The following HMCN2 variants were observed in gnomAD, a reference collection of about 807,000 sequenced individuals.
HMCN2 encodes the protein hemicentin 2.
Under a neutral mutation model 377.5 loss-of-function variants are expected in HMCN2, and 325 were observed. The ratio of observed to expected loss-of-function variants is 0.86; its 90% CI spans 0.79 to 0.94. HMCN2 has a LOEUF of 0.94. Among genes scored for constraint, HMCN2 ranks in the 40% least tolerant of loss-of-function variants. The pLI is 0.00. For missense variants in HMCN2, 4,543 were observed against 4,725.3 expected, an observed-to-expected ratio of 0.96 and a Z score of 1.13; for synonymous variants, 2,007 against 2,046.8, an observed-to-expected ratio of 0.98 and a Z score of 0.53.
At chr9:130,327,020 G>A (rs1396368268) in intron 21 of HMCN2, among the ~76,000 whole-genome samples, 1 of 151,430 alleles carries the variant, frequency 6.6e-6, no homozygotes, top group Non-Finnish European at 1.5e-5. Context: ...ATGAAGAGAA[G>A]CCAGAGAAGG....
intron 44 of HMCN2, 123 bp downstream of exon 44, chr9:130,368,560 A>G (rs1840825971): frequency 9.9e-6 from 4 of 403,958 alleles, no homozygotes; most frequent in Non-Finnish European, 1.3e-5. Context: ...CTCCTCCCTC[A>G]CGTTCCTGGT....
chr9:130,312,303 A>G (rs1837287389), intron 15 of HMCN2, among the ~76,000 whole-genome samples: 1 of 151,918 alleles, frequency 6.6e-6, no homozygotes, highest in Admixed American at 6.6e-5. Flanking sequence ...GCAAGAGAGA[A>G]GGAAGGTCTG....
rs894974010 is a variant in HMCN2 at position 130,428,316 on chromosome 9, G to C, written c.14066-42G>C. 7 of 1,493,668 alleles carry C rather than the reference G, an allele frequency of 4.7e-6. No individual in the cohort carries two copies. Among genetic ancestry groups the C allele is most frequent in the Non-Finnish European group, 6.3e-6 (7 of 1,114,820 alleles). The allele number at this position is 1,493,668 out of a possible 1,614,324, so 92.5% of individuals were successfully genotyped here. A position where few individuals can be genotyped will look rare whatever the true frequency, so the allele number is the denominator to read the frequency against. ...AGGGTCAGGTGGCGAGGCACGCCTG[G>C]GGATCATGTTCACACAGCCGTCTGC... is the stretch of plus-strand genomic sequence containing the variant. On this transcript the variant is annotated intron_variant, in intron 92 of 97. Coordinates refer to ENST00000683500, the MANE Select transcript of HMCN2 (RefSeq NM_001291815.2). This position sits in a 1 kb window ranked among gnomAD's most constrained non-coding sequence, Gnocchi z 5.0.
rs1191085245 is a variant in HMCN2 at position 130,397,594 on chromosome 9, C to T, written c.11265C>T (p.Tyr3755=). 4 of 1,289,736 alleles carry T rather than the reference C, an allele frequency of 3.1e-6. No individual in the cohort carries two copies. The highest frequency in any genetic ancestry group is 4.0e-6 in the Non-Finnish European group (4 of 988,896). 79.9% of individuals were successfully genotyped at this position (1,289,736 alleles called of 1,614,324 possible). A position where few individuals can be genotyped will look rare whatever the true frequency, so the allele number is the denominator to read the frequency against. Residue 3755 remains tyrosine, a synonymous_variant, in exon 74 of 98, where the codon TAC becomes TAT. Transcript: ENST00000683500. ...QPVLAQDAGH[Y]LCLASNSAGS... is the part of the protein sequence containing the mutation. ...TCCTTGCCCAGGACGCCGGCCACTA[C>T]CTCTGCCTGGCATCCAACTCTGCTG...
chr9:130,352,988 A>C lies in HMCN2; in HGVS notation c.4647A>C (p.Leu1549=). The C allele has an allele frequency of 6.9e-6, 9 of 1,303,878 alleles. No individual in the cohort carries two copies. Among genetic ancestry groups the C allele is most frequent in the Non-Finnish European group, 9.1e-6 (9 of 988,796 alleles). 80.8% of individuals were successfully genotyped at this position (1,303,878 alleles called of 1,614,324 possible). ...TGEVAVMEDH[L]VQLLCEARGV... ...AGGTGGCCGTCATGGAGGACCACCT[A>C]GTGCAGCTCCTGTGTGAGGCTCGAG... Residue 1549 remains leucine, a synonymous_variant, in exon 31 of 98, where the codon CTA becomes CTC. Transcript: ENST00000683500.
Position 130,347,978 on chromosome 9 carries a change from G to A in HMCN2, c.4025-567G>A, listed in dbSNP as rs141343192. The A allele has an allele frequency of 1.4e-4, 140 of 985,266 alleles. No homozygotes were observed. The highest frequency in any genetic ancestry group is 1.6e-4 in the Non-Finnish European group (136 of 829,824). The allele number at this position is 985,266 out of a possible 1,614,324, so 61.0% of individuals were successfully genotyped here. ...CATTCTTGTCCTCAGCAGGGAGAGC[G>A]CCCACCCCCACATCCAGGGTGCTAT... On this transcript the variant is annotated intron_variant, in intron 26 of 97. Transcript: ENST00000683500. The surrounding 1 kb of genome is among the most constrained non-coding windows in gnomAD (Gnocchi z 5.1).
At chr9:130,354,603 C>T (rs1839920494) in intron 31 of HMCN2, among the ~76,000 whole-genome samples, 160 bp from the exon 32 acceptor site, 1 of 152,112 alleles carries the variant, frequency 6.6e-6, no homozygotes, top group Non-Finnish European at 1.5e-5. Flanking sequence ...AGAATGCTGC[C>T]CCGGGGTCTG....
chr9:130,418,387 C>T (rs181051348), intron 85 of HMCN2, among the ~76,000 whole-genome samples: 329 of 152,154 alleles, frequency 2.2e-3, no homozygotes, highest in Non-Finnish European at 3.8e-3. Context: ...ATGACGAAAC[C>T]CCATCTCTAC....
rs1291654896 is a variant in HMCN2, at chr9:130,278,034, CACCACCACCATCATCATT to C, written c.260-6558_260-6541del. On this transcript the variant is annotated intron_variant, in intron 1 of 97. Coordinates refer to ENST00000683500, the MANE Select transcript of HMCN2 (RefSeq NM_001291815.2). ...TCATCATCACCACCACCACGATCAT[CACCACCACCATCATCATT>C]ACCACCACCACCACCACCATCATCA... 1.7e-4 allele frequency among the ~76,000 whole-genome samples: 5 copies of C among 28,680 alleles called. 1 individual carries two copies. The highest frequency in any genetic ancestry group is 3.2e-4 in the Non-Finnish European group (5 of 15,698). 18.8% of individuals were successfully genotyped at this position (28,680 alleles called of 152,430 possible).
intron 29 of HMCN2, among the ~76,000 whole-genome samples, chr9:130,349,888 CTTTTTTTT>C (rs760662723): frequency 3.3e-5 from 3 of 91,306 alleles, no homozygotes; most frequent in East Asian, 3.8e-4. Context: ...TTAGCCTTTC[CTTTTTTTT>C]TTTTTTTTTT....
intron 22 of HMCN2, among the ~76,000 whole-genome samples, chr9:130,332,593 G>A (rs1437337736): frequency 1.3e-5 from 2 of 152,214 alleles, no homozygotes; most frequent in East Asian, 1.9e-4. Context: ...GGGCTCGTGC[G>A]ATGGCGCTGG....
intron 76 of HMCN2, 122 bp from the exon 77 acceptor site, chr9:130,400,661 C>G: frequency 1.8e-6 from 1 of 565,648 alleles, no homozygotes; most frequent in Non-Finnish European, 2.5e-6. Flanking sequence ...CCTCTGTTGC[C>G]ACCTCCCTCC....
Position 130,418,772 on chromosome 9 carries a change from G to A in HMCN2, c.12962G>A (p.Ser4321Asn). The change falls in exon 86 of 98, where the codon AGT becomes AAT. Residue 4321 changes from serine (S) to asparagine (N), a missense_variant and splice_region_variant. Physicochemically the swap from Ser to Asn is conservative, Grantham distance 46 (BLOSUM62 1). Coordinates refer to ENST00000683500, the MANE Select transcript of HMCN2 (RefSeq NM_001291815.2). ...AKKVVILVLQ[S>N]APVFQVEPQD... ...TAAAAGCCACCTGGGCCTCCCACAG[G>A]TGCTCCGGTGTTCCAGGTGGAGCCC... 1 of 1,426,086 alleles carries A rather than the reference G, an allele frequency of 7.0e-7. No homozygotes were observed. Among genetic ancestry groups the A allele is most frequent in the African/African-American group, 1.4e-5 (1 of 69,610 alleles). 88.3% of individuals were successfully genotyped at this position (1,426,086 alleles called of 1,614,324 possible).
At chr9:130,279,558 G>A (rs1297855456) in intron 1 of HMCN2, among the ~76,000 whole-genome samples, 7 of 152,064 alleles carry the variant, frequency 4.6e-5, no homozygotes, top group African/African-American at 1.7e-4. Context: ...TCACCATGTT[G>A]GCCAGGCTGG....
In HMCN2 at chr9:130,304,903, G is replaced by T. The variant is rs534755050; in HGVS notation, c.1717G>T (p.Glu573Ter). The change falls in exon 11 of 98, where the codon GAG becomes TAG. Residue 573 changes from glutamate to a stop codon, truncating the protein, a stop_gained. Transcript: ENST00000683500. LOFTEE classifies it high-confidence loss of function. The surrounding 1 kb of genome is among the most constrained non-coding windows in gnomAD (Gnocchi z 4.3). ...TGCCCAGCTGGCTGACCTGTCCCTG[G>T]AGATCAGTGGCATCATCCCCACAGA... ...RVAQLADLSL[E>*]ISGIIPTDGG... The T allele has an allele frequency of 9.8e-5, 46 of 471,148 alleles. No homozygotes were observed. The East Asian group carries it at 3.1e-3, about 32-fold the overall frequency. 29.2% of individuals were successfully genotyped at this position (471,148 alleles called of 1,614,324 possible). A position where few individuals can be genotyped will look rare whatever the true frequency, so the allele number is the denominator to read the frequency against.
chr9:130,386,421 C>T (rs1259074453), intron 60 of HMCN2, 22 bp from the exon 61 acceptor site: 2 of 1,298,026 alleles, frequency 1.5e-6, no homozygotes, highest in Non-Finnish European at 2.0e-6. Context: ...CACACAGCCA[C>T]TGTGTGCTCT....
chr9:130,422,908 G>T lies in HMCN2; in HGVS notation c.13381+182G>T, dbSNP rs1379385990. 6.6e-6 allele frequency among the ~76,000 whole-genome samples: 1 copy of T among 152,222 alleles called. No homozygotes were observed. Among genetic ancestry groups the T allele is most frequent in the Admixed American group, 6.5e-5 (1 of 15,284 alleles). On this transcript the variant is annotated intron_variant, in intron 87 of 97. Coordinates refer to ENST00000683500, the MANE Select transcript of HMCN2 (RefSeq NM_001291815.2). This position sits in a 1 kb window ranked among gnomAD's most constrained non-coding sequence, Gnocchi z 4.2. Reference sequence around the variant, plus strand: ...AGTGCAATCCAAAGTGGACTCAGATGCAGGCAACTTCCTGTCCCCCTCACA... The same window carrying T: ...AGTGCAATCCAAAGTGGACTCAGATTCAGGCAACTTCCTGTCCCCCTCACA...
chr9:130,365,622 C>G lies in HMCN2; in HGVS notation c.6409-9C>G, dbSNP rs1012136679. The G allele has an allele frequency of 1.6e-5, 16 of 985,578 alleles. No individual in the cohort carries two copies. The highest frequency in any genetic ancestry group is 9.6e-6 in the Non-Finnish European group (8 of 829,736). 61.1% of individuals were successfully genotyped at this position (985,578 alleles called of 1,614,324 possible). On this transcript the variant is annotated splice_polypyrimidine_tract_variant and intron_variant, in intron 41 of 97. Transcript: ENST00000683500. The stretch of plus-strand genomic sequence containing the variant: ...TCCCCTCCCATGGGGTGTCTTTGCT[C>G]TCTGCCAGGTGGACAGAGCCGATGT...
rs1266819034 is a variant in HMCN2, at chr9:130,306,893, A to G, written c.2041A>G (p.Asn681Asp). Residue 681 changes from asparagine to aspartate, a missense_variant, in exon 13 of 98, where the codon AAT (asparagine) becomes GAT (aspartate). Coordinates refer to ENST00000683500, the MANE Select transcript of HMCN2 (RefSeq NM_001291815.2). Reference sequence around the variant, plus strand: ...TGGGAATTACAGCTGCCAGGCGACTAATGAGGTTGGCACTGACCAGGAGAC... The same window carrying G: ...TGGGAATTACAGCTGCCAGGCGACTGATGAGGTTGGCACTGACCAGGAGAC... Reference protein sequence around the residue: ...DAGNYSCQATNEVGTDQETVT... With the variant: ...DAGNYSCQATDEVGTDQETVT... 1 of 470,890 alleles carries G rather than the reference A, an allele frequency of 2.1e-6. No homozygotes were observed. The highest frequency in any genetic ancestry group is 6.9e-5 in the East Asian group (1 of 14,392). 29.2% of individuals were successfully genotyped at this position (470,890 alleles called of 1,614,324 possible).
Sources: gnomAD v4.1 joint callset for allele counts (sites outside exome capture counted in the v4.1 genomes callset) on GRCh38, gnomAD v4.1.1 for gene constraint, Gnocchi (gnomAD v3.1) non-coding constraint, MANE v1.5 for transcripts, NCBI Gene and HGNC (gene_info 2026-07-23, HGNC 2026-07-21) for gene names.